The following ARVCF variants were observed in gnomAD, a reference collection of about 807,000 sequenced individuals.
ARVCF encodes splicing regulator ARVCF.
A neutral mutation model predicts 90.9 loss-of-function variants in ARVCF; 66 were observed. The observed-to-expected ratio is 0.73, with a 90% CI of 0.60 to 0.89. ARVCF has a LOEUF of 0.89. Ranked by LOEUF, ARVCF falls within the 40% of genes least tolerant of loss-of-function variation. The probability of loss-of-function intolerance (pLI) is 0.00; values close to 1 mark genes in which losing one functional copy is unlikely to be tolerated. For missense variants in ARVCF, 1,469 were observed against 1,382.3 expected, an observed-to-expected ratio of 1.06 and a Z score of -1.00; for synonymous variants, 653 against 603.4, an observed-to-expected ratio of 1.08 and a Z score of -1.21.
Position 19,982,057 on chromosome 22 carries a change from G to A in ARVCF, c.245C>T (p.Thr82Met), listed in dbSNP as rs1416169283. Reference sequence around the variant, plus strand: ...CAGCACATCAGGTGCCTCCGGCATCGTGGCCAGTGAGGCCTGGCTGCCTGG... The same window carrying A: ...CAGCACATCAGGTGCCTCCGGCATCATGGCCAGTGAGGCCTGGCTGCCTGG... Reference protein sequence around the residue: ...QSPGSQASLATMPEAPDVLEE... With the variant: ...QSPGSQASLAMMPEAPDVLEE... The change falls in exon 4 of 20, where the codon ACG becomes ATG. Residue 82 changes from threonine to methionine, a missense_variant. Coordinates refer to ENST00000263207, the MANE Select transcript of ARVCF (RefSeq NM_001670.3). 7 of 1,612,594 alleles carry A rather than the reference G, an allele frequency of 4.3e-6. No homozygotes were observed. The highest frequency in any genetic ancestry group is 2.2e-5 in the East Asian group (1 of 44,878).
chr22:20,010,263 A>G (rs1300445972), intron 2 of ARVCF, among the ~76,000 whole-genome samples, 192 bp downstream of exon 2: 9 of 152,216 alleles, frequency 5.9e-5, no homozygotes, highest in Admixed American at 1.3e-4. Context: ...AACAAACCCA[A>G]GCTGGTGGCA....
At chr22:19,993,313 G>C (rs540425230) in intron 2 of ARVCF, among the ~76,000 whole-genome samples, 1 of 152,220 alleles carries the variant, frequency 6.6e-6, no homozygotes, top group African/African-American at 2.4e-5. Context: ...AGGGATCCTG[G>C]CCCAGAACCA....
rs554849188 is a variant in ARVCF at position 19,973,172 on chromosome 22, G to C, written c.2385C>G (p.Arg795=). Residue 795 remains arginine, a synonymous_variant, in exon 14 of 20, where the codon CGC becomes CGG. Coordinates refer to ENST00000263207, the MANE Select transcript of ARVCF (RefSeq NM_001670.3). ...EIVSDSLDNA[R]SLLQARGVPA... is the part of the protein sequence containing the mutation. ...GCACCCCGCGTGCCTGCAGGAGCGA[G>C]CGCGCGTTATCCAGGCTGTCGGACA... is the stretch of plus-strand genomic sequence containing the variant. 3 of 1,610,720 alleles carry C rather than the reference G, an allele frequency of 1.9e-6. No homozygotes were observed. Among genetic ancestry groups the C allele is most frequent in the Admixed American group, 1.7e-5 (1 of 59,698 alleles).
At chr22:19,983,222 A>G (rs1280631615) in intron 3 of ARVCF, among the ~76,000 whole-genome samples, 1 of 152,258 alleles carries the variant, frequency 6.6e-6, no homozygotes, top group East Asian at 1.9e-4. Context: ...CAGCCAGGGC[A>G]GGGTCAGCAG....
chr22:19,977,267 CCTT>C (rs1943208410), intron 9 of ARVCF, 145 bp downstream of exon 9: 8 of 1,116,142 alleles, frequency 7.2e-6, no homozygotes, highest in Admixed American at 3.2e-5. Flanking sequence ...AGTCCAGCCT[CCTT>C]GACTCCTGGC....
chr22:19,979,591 C>G (rs773907723), intron 6 of ARVCF, 152 bp downstream of exon 6: 1 of 1,221,026 alleles, frequency 8.2e-7, no homozygotes, highest in Non-Finnish European at 1.1e-6. Context: ...GGGCCTGATG[C>G]CTGGCTCCTG....
intron 1 of ARVCF, among the ~76,000 whole-genome samples, chr22:20,012,245 T>TC (rs1944863656): frequency 6.6e-6 from 1 of 152,058 alleles, no homozygotes; most frequent in Admixed American, 6.5e-5. Context: ...GGAGAGGGCT[T>TC]CCCCCAGGAG....
At chr22:19,967,092 C>G (rs1215490889), downstream of ARVCF, 8 of 1,245,618 alleles carry the variant, frequency 6.4e-6, no homozygotes, top group Non-Finnish European at 8.3e-6. Context: ...GGAGTGGGCC[C>G]CTGGCAGCCT....
At chr22:19,980,607 CCCCATCTTCCATGAGG>C in intron 5 of ARVCF, 1 of 242,986 alleles carries the variant, frequency 4.1e-6, no homozygotes, top group Non-Finnish European at 7.8e-6. Context: ...CACAAAACCA[CCCCATCTTCCATGAGG>C]CCCATCTCTG....
intron 2 of ARVCF, among the ~76,000 whole-genome samples, chr22:19,995,385 AG>A (rs965908950): frequency 2.0e-5 from 3 of 148,594 alleles, no homozygotes; most frequent in South Asian, 2.2e-4. Flanking sequence ...CATGAATGGA[AG>A]GGGGGGTGGG....
At chr22:20,011,657 AGT>A (rs144305583) in intron 1 of ARVCF, among the ~76,000 whole-genome samples, 3,832 of 152,108 alleles carry the variant, frequency 0.025, 80 homozygotes, top group Middle Eastern at 0.041. Context: ...TGTGAATATG[AGT>A]GTGTGTGTGC....
chr22:19,981,039 T>C (rs1310911175), intron 5 of ARVCF, 172 bp downstream of exon 5: 1 of 884,906 alleles, frequency 1.1e-6, no homozygotes, highest in Non-Finnish European at 1.6e-6. Context: ...GCCGAACTCC[T>C]ACCACCCCAG....
intron 3 of ARVCF, chr22:19,987,221 G>A (rs938428170): frequency 1.1e-5 from 4 of 372,050 alleles, no homozygotes; most frequent in African/African-American, 8.5e-5. Context: ...CGGATCTGGC[G>A]GCGGTCACGG....
At chr22:19,991,993 T>C (rs28408626) in intron 2 of ARVCF, among the ~76,000 whole-genome samples, 8,609 of 152,216 alleles carry the variant, frequency 0.057, 773 homozygotes, top group African/African-American at 0.19. Context: ...GCGGGTGACA[T>C]CCCCAGAGCG....
chr22:20,003,584 A>G (rs1944517800), intron 2 of ARVCF, among the ~76,000 whole-genome samples: 1 of 152,232 alleles, frequency 6.6e-6, no homozygotes, highest in Admixed American at 6.5e-5. Flanking sequence ...ACAAAAATCA[A>G]TCAATGTAAT....
chr22:19,968,441 TGCCGTG>T (rs1321534160), downstream of ARVCF: 46 of 1,208,064 alleles, frequency 3.8e-5, 1 homozygote, highest in South Asian at 5.2e-5. Flanking sequence ...ACAGGCGTGG[TGCCGTG>T]GCCTAGTGAG....
chr22:19,971,853 C>T lies in ARVCF; in HGVS notation c.2781+33G>A, dbSNP rs200856269. ...GCAACCCCTAGACACGGGGCCTCAC[C>T]GGGGACCTGCCCACAGCCACATGAC... On this transcript the variant is annotated intron_variant, in intron 18 of 19. Transcript: ENST00000263207. The T allele has an allele frequency of 1.1e-4, 185 of 1,609,594 alleles. No individual in the cohort carries two copies. In the African/African-American group the frequency reaches 2.0e-3, roughly 17 times the overall value.
In ARVCF at chr22:19,970,451, C is replaced by T. The variant is rs912335628; in HGVS notation, c.*305G>A. On this transcript the variant is annotated 3_prime_UTR_variant, in exon 20 of 20. Coordinates refer to ENST00000263207, the MANE Select transcript of ARVCF (RefSeq NM_001670.3). Reference sequence around the variant, plus strand: ...CCCAAAGCCCAGCCAGGCACCCTTCCCTGCCACCTCCCTGGGCCCTGCCCC... The same window carrying T: ...CCCAAAGCCCAGCCAGGCACCCTTCTCTGCCACCTCCCTGGGCCCTGCCCC... 5 of 1,091,312 alleles carry T rather than the reference C, an allele frequency of 4.6e-6. No individual in the cohort carries two copies. The African/African-American group carries it at 8.4e-5, about 18-fold the overall frequency. 67.6% of individuals were successfully genotyped at this position (1,091,312 alleles called of 1,614,324 possible). A position where few individuals can be genotyped will look rare whatever the true frequency, so the allele number is the denominator to read the frequency against.
rs775954994 is a variant in ARVCF at position 19,979,930 on chromosome 22, C to T, written c.1209G>A (p.Pro403=). The change falls in exon 6 of 20, where the codon CCG becomes CCA. Residue 403 remains proline (P), a synonymous_variant. Coordinates refer to ENST00000263207, the MANE Select transcript of ARVCF (RefSeq NM_001670.3). The part of the protein sequence containing the change: ...KRRVRQLRGL[P]LLVALLDHPR... The stretch of plus-strand genomic sequence containing the variant: ...GGTGGTCCAGCAGTGCCACAAGCAG[C>T]GGCAGCCCCCGCAACTGCCGTACAC... 2.0e-5 allele frequency: 32 copies of T among 1,594,538 alleles called. No individual in the cohort carries two copies. The highest frequency in any genetic ancestry group is 1.4e-4 in the East Asian group (6 of 43,980).
Sources: gnomAD v4.1 joint callset for allele counts (sites outside exome capture counted in the v4.1 genomes callset) on GRCh38, gnomAD v4.1.1 for gene constraint, MANE v1.5 for transcripts, NCBI Gene and HGNC (gene_info 2026-07-23, HGNC 2026-07-21) for gene names.